Variants in PCLO observed in about 807,000 individuals in gnomAD.
The protein encoded by PCLO is protein piccolo.
PCLO carries 82 observed loss-of-function variants against 427.5 expected under a neutral mutation model. The ratio of observed to expected loss-of-function variants is 0.19; its 90% confidence interval spans 0.16 to 0.23. PCLO has a LOEUF of 0.23. PCLO is among the 10% of genes least tolerant of loss of function. PCLO has a pLI of 1.00. For synonymous variants in PCLO, 2,357 were observed against 2,155.4 expected, an observed-to-expected ratio of 1.09 and a Z score of -2.59; for missense variants, 6,239 against 6,115.9, an observed-to-expected ratio of 1.02 and a Z score of -0.67.
chr7:82,826,034 GT>G (rs1278730658), intron 18 of PCLO, among the ~76,000 whole-genome samples: 1 of 150,784 alleles, frequency 6.6e-6, no homozygotes, highest in East Asian at 1.9e-4. Context: ...ATTTTTACAA[GT>G]ACATAGTAAG....
chr7:83,055,270 G>A (rs1308354948), intron 3 of PCLO, among the ~76,000 whole-genome samples: 1 of 152,096 alleles, frequency 6.6e-6, no homozygotes, highest in African/African-American at 2.4e-5. Flanking sequence ...AGAGGAAAGT[G>A]CCTAGAGAAG....
chr7:82,943,200 C>T (rs965244029), intron 6 of PCLO, among the ~76,000 whole-genome samples: 4 of 152,076 alleles, frequency 2.6e-5, no homozygotes, highest in African/African-American at 4.8e-5. Flanking sequence ...CTCATGAATG[C>T]CATCTGCTTT....
chr7:82,903,376 T>C (rs1279476111), intron 8 of PCLO, among the ~76,000 whole-genome samples: 1 of 152,026 alleles, frequency 6.6e-6, no homozygotes, highest in Non-Finnish European at 1.5e-5. Context: ...GCTTGCATTA[T>C]TGATAGTGTT....
At chr7:82,827,144 G>C (rs1445745224) in intron 17 of PCLO, among the ~76,000 whole-genome samples, 1 of 151,966 alleles carries the variant, frequency 6.6e-6, no homozygotes, top group Non-Finnish European at 1.5e-5. Flanking sequence ...TCTTTGTAAT[G>C]AAATTAATCT....
chr7:83,082,154 C>T (rs1790118202), intron 3 of PCLO, among the ~76,000 whole-genome samples: 1 of 150,746 alleles, frequency 6.6e-6, no homozygotes, highest in Non-Finnish European at 1.5e-5. Flanking sequence ...TATGTAAAAT[C>T]CTCAACAATA....
intron 6 of PCLO, among the ~76,000 whole-genome samples, chr7:82,934,884 C>A (rs1794915550): frequency 6.6e-6 from 1 of 151,170 alleles, no homozygotes; most frequent in Non-Finnish European, 1.5e-5. Flanking sequence ...TGATAAATGG[C>A]TAATTGTTAT....
Position 82,956,770 on chromosome 7 carries a change from C to T in PCLO, c.4183G>A (p.Asp1395Asn). Residue 1395 changes from aspartate (D) to asparagine (N), a missense_variant, in exon 5 of 25, where the codon GAC (aspartate) becomes AAC (asparagine). Asp to Asn is a conservative substitution (Grantham distance 23). This residue lies in a region of PCLO where 4,677 missense variants were observed against 4,468.4 expected (regional missense o/e 1.05). Transcript: ENST00000333891. ...GGGCTGCTTTCTTGTGAAAAAGAGT[C>T]CTTTTTGAGTCCCTTGAGAATATCC... Reference protein sequence around the residue: ...EKDILKGLKKDSFSQESSPSS... With the variant: ...EKDILKGLKKNSFSQESSPSS... The T allele has an allele frequency of 1.9e-6, 3 of 1,613,700 alleles. No homozygotes were observed. The highest frequency in any genetic ancestry group is 2.5e-6 in the Non-Finnish European group (3 of 1,179,730).
rs974375097 is a variant in PCLO, at chr7:83,155,274, G to A, written c.1367C>T (p.Pro456Leu). 1.9e-6 allele frequency: 3 copies of A among 1,613,766 alleles called. No homozygotes were observed. The African/African-American group carries it at 4.0e-5, about 22-fold the overall frequency. Residue 456 changes from proline (P) to leucine (L), a missense_variant, in exon 2 of 25, where the codon CCC (proline) becomes CTC (leucine). Transcript: ENST00000333891. ...AGTCTGCTGGGCAGAAGTCTTTCCG[G>A]GTCCTGCCTGTTGAGCTGGAATCTT... ...PGKIPAQQAG[P>L]GKTSAQQTGP...
In PCLO at chr7:82,916,407, G is replaced by A; in HGVS notation, c.11579C>T (p.Pro3860Leu). ...QHGIERPRTA[P>L]QTEFSQFIPP... ...TATAAACTGGCTGAATTCAGTTTGG[G>A]GAGCAGTTCTTGGTCGCTCAATGCC... is the stretch of plus-strand genomic sequence containing the variant. The change falls in exon 7 of 25, where the codon CCC becomes CTC. Residue 3860 changes from proline (P) to leucine (L), a missense_variant. Coordinates refer to ENST00000333891, the MANE Select transcript of PCLO (RefSeq NM_033026.6). 6.2e-7 allele frequency: 1 copy of A among 1,613,708 alleles called. No individual in the cohort carries two copies. Among genetic ancestry groups the A allele is most frequent in the Non-Finnish European group, 8.5e-7 (1 of 1,179,748 alleles).
chr7:83,135,163 T>A lies in PCLO; in HGVS notation c.2387A>T (p.Lys796Ile). ...CTGTGAGGGTTTGGCAGAGTCTGTT[T>A]TTAGAGGAGGGGTTGTTTTCTCTTC... ...QAEEKTTPPL[K>I]TDSAKPSQSF... Residue 796 changes from lysine to isoleucine, a missense_variant, in exon 3 of 25, where the codon AAA (lysine) becomes ATA (isoleucine). This residue lies in a region of PCLO where 4,677 missense variants were observed against 4,468.4 expected (regional missense o/e 1.05). Coordinates refer to ENST00000333891, the MANE Select transcript of PCLO (RefSeq NM_033026.6). The A allele has an allele frequency of 1.9e-6, 3 of 1,613,888 alleles. No homozygotes were observed. The highest frequency in any genetic ancestry group is 2.5e-6 in the Non-Finnish European group (3 of 1,179,872).
At chr7:82,843,231 A>T (rs1792412276) in intron 13 of PCLO, among the ~76,000 whole-genome samples, 1 of 152,192 alleles carries the variant, frequency 6.6e-6, no homozygotes, top group African/African-American at 2.4e-5. Context: ...TTAAAAAACA[A>T]GGAAGTCCTG....
chr7:83,079,500 C>T (rs564571178), intron 3 of PCLO, among the ~76,000 whole-genome samples: 1 of 150,384 alleles, frequency 6.6e-6, no homozygotes, highest in African/African-American at 2.5e-5. Flanking sequence ...CACTTCCTTC[C>T]GATTTCCAGT....
chr7:83,003,643 A>C (rs1206242371), intron 3 of PCLO, among the ~76,000 whole-genome samples: 1 of 151,846 alleles, frequency 6.6e-6, no homozygotes, highest in Non-Finnish European at 1.5e-5. Flanking sequence ...GGTGTTTCAC[A>C]CTTATTGATT....
chr7:83,102,251 T>C (rs1261551756), intron 3 of PCLO, among the ~76,000 whole-genome samples: 1 of 147,060 alleles, frequency 6.8e-6, no homozygotes, highest in East Asian at 2.1e-4. Context: ...ACATATCTCA[T>C]GACCTCAAAC....
intron 3 of PCLO, among the ~76,000 whole-genome samples, chr7:83,089,275 G>A (rs1315969477): frequency 6.6e-6 from 1 of 151,964 alleles, no homozygotes; most frequent in African/African-American, 2.4e-5. Context: ...CCTTCTGAAT[G>A]GAATGAATTC....
chr7:82,946,424 C>T (rs983374188), intron 6 of PCLO, among the ~76,000 whole-genome samples: 2 of 152,020 alleles, frequency 1.3e-5, no homozygotes, highest in African/African-American at 2.4e-5. Context: ...ATTAAATACA[C>T]AATATAATGT....
chr7:83,096,612 G>A (rs1790544538), intron 3 of PCLO, among the ~76,000 whole-genome samples: 1 of 150,124 alleles, frequency 6.7e-6, no homozygotes, highest in Non-Finnish European at 1.5e-5. Flanking sequence ...AGGTGGGATT[G>A]CCATCAAAAT....
At chr7:83,141,883 T>TTCA (rs1791870490) in intron 2 of PCLO, among the ~76,000 whole-genome samples, 1 of 152,146 alleles carries the variant, frequency 6.6e-6, no homozygotes, top group Non-Finnish European at 1.5e-5. Context: ...TTTTTAAGAG[T>TTCA]GTATCTTCAA....
intron 3 of PCLO, among the ~76,000 whole-genome samples, chr7:83,065,577 C>A (rs2116331533): frequency 6.6e-6 from 1 of 151,022 alleles, no homozygotes; most frequent in African/African-American, 2.4e-5. Flanking sequence ...CTGAACTTCT[C>A]TCCTGTCTCA....
Sources: allele counts gnomAD v4.1 joint callset (sites outside exome capture counted in the v4.1 genomes callset), GRCh38; gene constraint gnomAD v4.1.1; regional missense constraint gnomAD v4.1.1; transcripts MANE v1.5; gene names NCBI Gene and HGNC (gene_info 2026-07-23, HGNC 2026-07-21).